XPO6: variants seen among roughly 807,000 people sequenced by gnomAD.
The protein encoded by XPO6 is exportin-6.
A neutral mutation model predicts 130.0 loss-of-function variants in XPO6; 3 were observed. The ratio of observed to expected loss-of-function variants is 0.02; its 90% CI spans 0.01 to 0.06. The LOEUF (loss-of-function observed/expected upper bound fraction) is 0.06. Among genes scored for constraint, XPO6 ranks in the 10% least tolerant of loss-of-function variants. The probability of loss-of-function intolerance (pLI) is 1.00; values close to 1 mark genes in which losing one functional copy is unlikely to be tolerated. For missense variants in XPO6, 970 were observed against 1,393.0 expected, an observed-to-expected ratio of 0.70 and a Z score of 4.83; for synonymous variants, 524 against 548.9, an observed-to-expected ratio of 0.95 and a Z score of 0.63.
intron 17 of XPO6, among the ~76,000 whole-genome samples, chr16:28,108,433 T>C (rs1243956876): frequency 6.6e-6 from 1 of 152,048 alleles, no homozygotes; most frequent in African/African-American, 2.4e-5. Flanking sequence ...AGGACCCTCA[T>C]CCATCTGGGA....
At chr16:28,154,517 A>G (rs1172076701) in intron 7 of XPO6, 1 of 159,694 alleles carries the variant, frequency 6.3e-6, no homozygotes, top group Non-Finnish European at 1.3e-5. Context: ...CTGAGAATGG[A>G]CTGAGCTGTT....
chr16:28,155,796 G>C (rs72789666), intron 7 of XPO6: 18,670 of 582,618 alleles, frequency 0.032, 442 homozygotes, highest in Non-Finnish European at 0.039. Context: ...TAAGGAAAAG[G>C]GGGCAAGAGG....
chr16:28,205,969 T>C, intron 1 of XPO6, among the ~76,000 whole-genome samples: 1 of 139,324 alleles, frequency 7.2e-6, no homozygotes, highest in Middle Eastern at 4.3e-3. Context: ...ACCCAGGAGG[T>C]AGAGACTGCA....
chr16:28,125,236 C>G (rs2087365084), intron 13 of XPO6, among the ~76,000 whole-genome samples: 1 of 152,236 alleles, frequency 6.6e-6, no homozygotes, highest in Non-Finnish European at 1.5e-5. Flanking sequence ...CCCTGTGCAT[C>G]TAGCTGCCTA....
intron 1 of XPO6, among the ~76,000 whole-genome samples, chr16:28,198,924 A>G (rs1025974141): frequency 6.6e-6 from 1 of 152,132 alleles, no homozygotes; most frequent in Non-Finnish European, 1.5e-5. Flanking sequence ...TGGGTGGATC[A>G]CCTGAGGTTG....
At chr16:28,175,197 G>A (rs2043514218) in intron 4 of XPO6, among the ~76,000 whole-genome samples, 1 of 151,338 alleles carries the variant, frequency 6.6e-6, no homozygotes, top group Non-Finnish European at 1.5e-5. Context: ...CCATCCCCTG[G>A]GTGCCTCACC....
Position 28,202,245 on chromosome 16 carries a change from C to A in XPO6, c.3+9121G>T, listed in dbSNP as rs547922443. On this transcript the variant is annotated intron_variant, in intron 1 of 23. Coordinates refer to ENST00000304658, the MANE Select transcript of XPO6 (RefSeq NM_015171.4). The stretch of plus-strand genomic sequence containing the variant: ...CATCTTCATCCTTACTGAGGGACCT[C>A]AAAGTAAGTAAGAAACTTAAAATTC... 2.0e-5 allele frequency among the ~76,000 whole-genome samples: 3 copies of A among 152,280 alleles called. No homozygotes were observed. In the South Asian group the frequency reaches 6.2e-4, roughly 32 times the overall value.
At chr16:28,122,439 A>C (rs2087268257) in intron 13 of XPO6, among the ~76,000 whole-genome samples, 1 of 152,010 alleles carries the variant, frequency 6.6e-6, no homozygotes, top group African/African-American at 2.4e-5. Context: ...CTGGACAACA[A>C]AGTAGGACCC....
Position 28,106,712 on chromosome 16 carries a change from T to A in XPO6, c.2498-215A>T, listed in dbSNP as rs1379801045. ...AGTTCTGGTATAGGGAACCTCCACC[T>A]GGTGGCTCACTACAGGAAATGAAGG... On this transcript the variant is annotated intron_variant, in intron 18 of 23. Coordinates refer to ENST00000304658, the MANE Select transcript of XPO6 (RefSeq NM_015171.4). The surrounding 1 kb of genome is among the most constrained non-coding windows in gnomAD (Gnocchi z 4.2). 6.6e-6 allele frequency among the ~76,000 whole-genome samples: 1 copy of A among 152,212 alleles called. No individual in the cohort carries two copies. Among genetic ancestry groups the A allele is most frequent in the Non-Finnish European group, 1.5e-5 (1 of 68,028 alleles).
At chr16:28,206,341 G>A (rs1471534966) in intron 1 of XPO6, among the ~76,000 whole-genome samples, 2 of 151,982 alleles carry the variant, frequency 1.3e-5, no homozygotes, top group African/African-American at 2.4e-5. Context: ...AGAAGTTCAA[G>A]ACCAGGCTGG....
In XPO6 at chr16:28,101,315, G is replaced by T; in HGVS notation, c.3276+143C>A. On this transcript the variant is annotated intron_variant, in intron 23 of 23. Coordinates refer to ENST00000304658, the MANE Select transcript of XPO6 (RefSeq NM_015171.4). The surrounding 1 kb of genome is among the most constrained non-coding windows in gnomAD (Gnocchi z 5.4). ...ATCAGGCTACAGCACCAGGTCAGCA[G>T]GCATCTCGTGAGCTGCCGCCAAGCT... 1 of 732,480 alleles carries T rather than the reference G, an allele frequency of 1.4e-6. No homozygotes were observed. Among genetic ancestry groups the T allele is most frequent in the Non-Finnish European group, 2.4e-6 (1 of 410,026 alleles). The allele number at this position is 732,480 out of a possible 1,614,324, so 45.4% of individuals were successfully genotyped here.
chr16:28,165,042 C>A (rs905595558), intron 6 of XPO6, among the ~76,000 whole-genome samples: 4 of 152,052 alleles, frequency 2.6e-5, no homozygotes, highest in African/African-American at 9.7e-5. Flanking sequence ...CATGGCGAAA[C>A]CCCGTCTCTA....
At chr16:28,188,373 C>A (rs966021298) in intron 1 of XPO6, among the ~76,000 whole-genome samples, 1 of 152,094 alleles carries the variant, frequency 6.6e-6, no homozygotes, top group Non-Finnish European at 1.5e-5. Flanking sequence ...CTCATAGATA[C>A]CAAACCTCAA....
At chr16:28,167,867 A>G (rs2043381793) in intron 5 of XPO6, among the ~76,000 whole-genome samples, 1 of 152,120 alleles carries the variant, frequency 6.6e-6, no homozygotes, top group Admixed American at 6.5e-5. Flanking sequence ...AGAATTCCAA[A>G]AAAGGCAAAT....
chr16:28,140,077 C>G (rs754247737), intron 9 of XPO6, among the ~76,000 whole-genome samples: 1 of 151,692 alleles, frequency 6.6e-6, no homozygotes, highest in Admixed American at 6.6e-5. Flanking sequence ...ACTAAAAATA[C>G]AAAAATTAGC....
rs1345749420 is a variant in XPO6, at chr16:28,132,799, G to A, written c.1537-396C>T. On this transcript the variant is annotated intron_variant, in intron 11 of 23. Coordinates refer to ENST00000304658, the MANE Select transcript of XPO6 (RefSeq NM_015171.4). The surrounding 1 kb of genome is among the most constrained non-coding windows in gnomAD (Gnocchi z 4.0). ...AAATCCAAGGGAACCTCTACCTTGA[G>A]AGAAATGTCAGCTATGCCTTATTAA... is the stretch of plus-strand genomic sequence containing the variant. 2.6e-5 allele frequency among the ~76,000 whole-genome samples: 4 copies of A among 152,100 alleles called. No individual in the cohort carries two copies. In the East Asian group the frequency reaches 7.7e-4, roughly 29 times the overall value.
intron 9 of XPO6, 104 bp from the exon 10 acceptor site, chr16:28,135,428 T>C (rs1044963318): frequency 1.2e-5 from 11 of 898,868 alleles, no homozygotes; most frequent in Admixed American, 2.5e-5. Context: ...TTGATCACCA[T>C]GGAAAAAGAG....
chr16:28,148,053 T>G (rs1018279508), intron 8 of XPO6, among the ~76,000 whole-genome samples: 1 of 152,116 alleles, frequency 6.6e-6, no homozygotes, highest in Non-Finnish European at 1.5e-5. Context: ...TTCCCTCAAG[T>G]CAATCACCAA....
chr16:28,163,534 A>G (rs1048526078), intron 6 of XPO6, among the ~76,000 whole-genome samples: 4 of 152,232 alleles, frequency 2.6e-5, no homozygotes, highest in Non-Finnish European at 5.9e-5. Flanking sequence ...AGAAGTGAAC[A>G]TGAGAGGAGA....
Sources: gnomAD v4.1 joint callset for allele counts (sites outside exome capture counted in the v4.1 genomes callset) on GRCh38, gnomAD v4.1.1 for gene constraint, Gnocchi (gnomAD v3.1) non-coding constraint, MANE v1.5 for transcripts, NCBI Gene and HGNC (gene_info 2026-07-23, HGNC 2026-07-21) for gene names.